Variants in NKAIN3 observed in about 807,000 individuals in gnomAD.
NKAIN3 encodes sodium/potassium transporting ATPase interacting 3, also known as sodium/potassium-transporting ATPase subunit beta-1-interacting protein 3.
In NKAIN3, 25 loss-of-function variants were observed where a neutral mutation model predicts 30.2. That is an observed-to-expected ratio of 0.83 (90% CI 0.60 to 1.16). The LOEUF (loss-of-function observed/expected upper bound fraction) is 1.16, where lower values mean the gene tolerates loss of function less well. Among genes scored for constraint, NKAIN3 ranks in the 50% most tolerant of loss-of-function variants. The probability of loss-of-function intolerance (pLI) is 0.00; values close to 1 mark genes in which losing one functional copy is unlikely to be tolerated. For missense variants in NKAIN3, 225 were observed against 254.1 expected (o/e 0.89, Z 0.78); for synonymous variants, 91 against 89.6 (o/e 1.02, Z -0.09).
intron 3 of NKAIN3, among the ~76,000 whole-genome samples, chr8:62,637,410 GT>G (rs1211694770): frequency 2.0e-5 from 3 of 152,214 alleles, no homozygotes; most frequent in African/African-American, 7.2e-5. Flanking sequence ...GTAAACTGCA[GT>G]AAGGAGACAC....
intron 1 of NKAIN3, among the ~76,000 whole-genome samples, chr8:62,543,318 T>C (rs1032732117): frequency 1.3e-5 from 2 of 152,184 alleles, no homozygotes; most frequent in Non-Finnish European, 2.9e-5. Context: ...AGCTCATAGA[T>C]GCCCTATAGA....
intron 3 of NKAIN3, among the ~76,000 whole-genome samples, chr8:62,598,559 A>T (rs918617727): frequency 1.3e-5 from 2 of 152,062 alleles, no homozygotes; most frequent in African/African-American, 4.8e-5. Context: ...GTATAAGAGG[A>T]AGTTCTTAAC....
chr8:62,627,843 C>T lies in NKAIN3; in HGVS notation c.273+38049C>T, dbSNP rs537789130. 2.6e-5 allele frequency among the ~76,000 whole-genome samples: 4 copies of T among 152,122 alleles called. No homozygotes were observed. The East Asian group carries it at 7.8e-4, about 30-fold the overall frequency. ...GAGACAGAAGTAGACTGCTTCTACCCCTTACTGGCCATGTGCCCTTAAACA... is the reference window on the plus strand; with the variant it reads ...GAGACAGAAGTAGACTGCTTCTACCTCTTACTGGCCATGTGCCCTTAAACA... On this transcript the variant is annotated intron_variant, in intron 3 of 6. Coordinates refer to ENST00000623646, the MANE Select transcript of NKAIN3 (RefSeq NM_001304533.3).
At chr8:62,688,245 G>A (rs1406674986) in intron 3 of NKAIN3, among the ~76,000 whole-genome samples, 1 of 152,164 alleles carries the variant, frequency 6.6e-6, no homozygotes, top group South Asian at 2.1e-4. Flanking sequence ...AGAAGCTGAC[G>A]GGAATAATAT....
chr8:62,448,849 A>G (rs1315583637), intron 1 of NKAIN3, among the ~76,000 whole-genome samples: 1 of 151,972 alleles, frequency 6.6e-6, no homozygotes. Context: ...CTTAAGCACC[A>G]TTTTAATCAG....
intron 5 of NKAIN3, among the ~76,000 whole-genome samples, chr8:62,997,803 T>A (rs1804154354): frequency 6.6e-6 from 1 of 151,166 alleles, no homozygotes; most frequent in Non-Finnish European, 1.5e-5. Context: ...ATGGTGAGTG[T>A]GTTATGAAAT....
chr8:62,825,487 T>C (rs1818991173), intron 4 of NKAIN3, among the ~76,000 whole-genome samples: 1 of 152,208 alleles, frequency 6.6e-6, no homozygotes, highest in Admixed American at 6.5e-5. Flanking sequence ...AATTCACTAG[T>C]TTAGATAAAC....
chr8:62,380,419 G>C (rs1817238227), intron 1 of NKAIN3, among the ~76,000 whole-genome samples: 1 of 152,198 alleles, frequency 6.6e-6, no homozygotes, highest in Admixed American at 6.5e-5. Context: ...GATGCCAATG[G>C]GAAGAAAGAC....
intron 4 of NKAIN3, among the ~76,000 whole-genome samples, chr8:62,870,319 T>G (rs1320256224): frequency 3.0e-5 from 2 of 66,494 alleles, no homozygotes; most frequent in Non-Finnish European, 6.3e-5. Flanking sequence ...TATAGAGAGA[T>G]ATATAAACTC....
chr8:62,465,127 A>G (rs1806121716), intron 1 of NKAIN3, among the ~76,000 whole-genome samples: 1 of 152,200 alleles, frequency 6.6e-6, no homozygotes, highest in Non-Finnish European at 1.5e-5. Flanking sequence ...AGTTTTATAG[A>G]TTAAAGAGAT....
intron 5 of NKAIN3, among the ~76,000 whole-genome samples, chr8:62,996,680 A>G (rs1221928756): frequency 6.6e-6 from 1 of 152,234 alleles, no homozygotes. Context: ...TGGGGGGTAC[A>G]AGTATTGGGT....
intron 1 of NKAIN3, among the ~76,000 whole-genome samples, chr8:62,321,380 C>T (rs759675655): frequency 5.3e-5 from 8 of 152,314 alleles, no homozygotes; most frequent in African/African-American, 1.7e-4. Context: ...TGAGGAGCTG[C>T]GTTGCTTTGC....
At chr8:62,844,866 G>A (rs1819628704) in intron 4 of NKAIN3, among the ~76,000 whole-genome samples, 1 of 151,974 alleles carries the variant, frequency 6.6e-6, no homozygotes, top group Non-Finnish European at 1.5e-5. Flanking sequence ...CTGGGCAGTC[G>A]ACTAACCACA....
chr8:62,609,083 T>G (rs987786096), intron 3 of NKAIN3, among the ~76,000 whole-genome samples: 2 of 152,144 alleles, frequency 1.3e-5, no homozygotes, highest in African/African-American at 4.8e-5. Context: ...CTGAGCAGCC[T>G]CTTGCTGCTC....
rs547944060 is a variant in NKAIN3, at chr8:62,408,996, T to C, written c.54+159869T>C. ...TATTGCGGAAAAAATAGAAAAATGG[T>C]TTTGAAGAATTATTACTCTCTGCCA... On this transcript the variant is annotated intron_variant, in intron 1 of 6. Coordinates refer to ENST00000623646, the MANE Select transcript of NKAIN3 (RefSeq NM_001304533.3). Among the ~76,000 whole-genome samples, 4 of 152,232 alleles carry C rather than the reference T, an allele frequency of 2.6e-5. No individual in the cohort carries two copies. The South Asian group carries it at 8.3e-4, about 32-fold the overall frequency.
rs184863638 is a variant in NKAIN3 at position 62,394,412 on chromosome 8, G to C, written c.54+145285G>C. The stretch of plus-strand genomic sequence containing the variant: ...AACCTTCGGATGTTAAACCAACTGT[G>C]TATACATGAGAAAAATTACATTTGT... On this transcript the variant is annotated intron_variant, in intron 1 of 6. Coordinates refer to ENST00000623646, the MANE Select transcript of NKAIN3 (RefSeq NM_001304533.3). Among the ~76,000 whole-genome samples, 146 of 150,844 alleles carry C rather than the reference G, an allele frequency of 9.7e-4. 1 individual carries two copies. The highest frequency in any genetic ancestry group is 3.5e-3 in the African/African-American group (142 of 41,016).
intron 3 of NKAIN3, among the ~76,000 whole-genome samples, chr8:62,740,011 A>G (rs1815812719): frequency 3.3e-5 from 5 of 152,194 alleles, no homozygotes; most frequent in Admixed American, 2.0e-4. Flanking sequence ...TTTAATGTAG[A>G]AAAATATCAT....
At chr8:62,925,315 A>C (rs1039014256) in intron 5 of NKAIN3, among the ~76,000 whole-genome samples, 2 of 152,196 alleles carry the variant, frequency 1.3e-5, no homozygotes, top group African/African-American at 4.8e-5. Flanking sequence ...TCTTTACGTT[A>C]TCTCTCATAT....
chr8:62,884,311 T>G (rs1030304702), intron 4 of NKAIN3, among the ~76,000 whole-genome samples: 1 of 151,610 alleles, frequency 6.6e-6, no homozygotes, highest in East Asian at 1.9e-4. Flanking sequence ...CAGGATGGAG[T>G]GCAATGGCGC....
Sources: gnomAD v4.1 joint callset for allele counts (sites outside exome capture counted in the v4.1 genomes callset) on GRCh38, gnomAD v4.1.1 for gene constraint, MANE v1.5 for transcripts, NCBI Gene and HGNC (gene_info 2026-07-23, HGNC 2026-07-21) for gene names.